RNF180: variants seen among roughly 807,000 people sequenced by gnomAD.
The protein encoded by RNF180 is E3 ubiquitin-protein ligase RNF180.
A neutral mutation model predicts 59.2 loss-of-function variants in RNF180; 38 were observed. The ratio of observed to expected loss-of-function variants is 0.64; its 90% CI spans 0.50 to 0.84. The LOEUF (loss-of-function observed/expected upper bound fraction) is 0.84, where lower values mean the gene tolerates loss of function less well. RNF180 is among the 40% of genes least tolerant of loss of function. The pLI is 0.00. For synonymous variants in RNF180, 262 were observed against 240.3 expected (o/e 1.09, Z -0.84); for missense variants, 705 against 700.9 (o/e 1.01, Z -0.07).
chr5:64,170,753 G>C (rs933224147), intron 1 of RNF180, among the ~76,000 whole-genome samples: 2 of 152,122 alleles, frequency 1.3e-5, no homozygotes, highest in Non-Finnish European at 2.9e-5. Flanking sequence ...ATCAGGAGGT[G>C]GTCTTTTATG....
At chr5:64,265,725 A>G (rs561126643) in intron 5 of RNF180, among the ~76,000 whole-genome samples, 21 of 152,282 alleles carry the variant, frequency 1.4e-4, no homozygotes, top group Middle Eastern at 3.4e-3. Context: ...TTTTGGTGCC[A>G]TATGAAATTT....
intron 5 of RNF180, among the ~76,000 whole-genome samples, chr5:64,313,793 T>C (rs1743902630): frequency 2.0e-5 from 3 of 152,184 alleles, no homozygotes; most frequent in Admixed American, 6.5e-5. Flanking sequence ...TGTTCCCTTT[T>C]CTGTGCTACC....
chr5:64,294,675 C>T (rs2112435410), intron 5 of RNF180, among the ~76,000 whole-genome samples: 1 of 152,272 alleles, frequency 6.6e-6, no homozygotes, highest in East Asian at 1.9e-4. Context: ...TTCATAAAAA[C>T]ATATAACATT....
intron 1 of RNF180, among the ~76,000 whole-genome samples, chr5:64,174,041 A>G (rs1330630798): frequency 6.6e-6 from 1 of 151,986 alleles, no homozygotes; most frequent in East Asian, 1.9e-4. Flanking sequence ...GTTGCACATG[A>G]GTGAGATTTT....
intron 1 of RNF180, among the ~76,000 whole-genome samples, chr5:64,181,220 G>A (rs1011023817): frequency 2.6e-5 from 4 of 152,054 alleles, no homozygotes; most frequent in East Asian, 1.9e-4. Flanking sequence ...TGTCTTTCCC[G>A]GTCCACTGAC....
intron 5 of RNF180, among the ~76,000 whole-genome samples, chr5:64,263,919 A>T (rs1744506897): frequency 6.6e-6 from 1 of 152,156 alleles, no homozygotes; most frequent in Non-Finnish European, 1.5e-5. Flanking sequence ...GTTTTGATTT[A>T]ACCTTGTGTT....
At chr5:64,314,340 A>G (rs1743930960) in intron 5 of RNF180, among the ~76,000 whole-genome samples, 1 of 152,136 alleles carries the variant, frequency 6.6e-6, no homozygotes, top group South Asian at 2.1e-4. Context: ...TGGGTCTCAG[A>G]TAGATAGAAT....
At chr5:64,353,653 A>G (rs1276532787) in intron 7 of RNF180, among the ~76,000 whole-genome samples, 2 of 151,848 alleles carry the variant, frequency 1.3e-5, no homozygotes, top group African/African-American at 2.4e-5. Flanking sequence ...TAAGGAAAAA[A>G]TTGAAATATG....
intron 5 of RNF180, among the ~76,000 whole-genome samples, chr5:64,255,424 C>T (rs1441478924): frequency 6.6e-6 from 1 of 152,098 alleles, no homozygotes; most frequent in Non-Finnish European, 1.5e-5. Flanking sequence ...TGTTCAATTC[C>T]CACCTATGAG....
chr5:64,182,633 C>T (rs1329050373), intron 1 of RNF180, among the ~76,000 whole-genome samples: 1 of 152,154 alleles, frequency 6.6e-6, no homozygotes, highest in Non-Finnish European at 1.5e-5. Flanking sequence ...TGCTGAAGGA[C>T]TATATAGAAC....
Position 64,185,683 on chromosome 5 carries a change from T to C in RNF180, c.1-15125T>C, listed in dbSNP as rs80041485. Among the ~76,000 whole-genome samples the C allele has an allele frequency of 1.2e-4, 19 of 152,330 alleles. No homozygotes were observed. The East Asian group carries it at 3.5e-3, about 28-fold the overall frequency. Reference sequence around the variant, plus strand: ...AGTAGCTCTAATTGCCACAAATTCATTTCAGCAACATATATAGTCACATAC... The same window carrying C: ...AGTAGCTCTAATTGCCACAAATTCACTTCAGCAACATATATAGTCACATAC... On this transcript the variant is annotated intron_variant, in intron 1 of 7. Transcript: ENST00000389100.
intron 5 of RNF180, among the ~76,000 whole-genome samples, chr5:64,301,061 T>C (rs893080713): frequency 1.3e-5 from 2 of 148,988 alleles, no homozygotes; most frequent in Non-Finnish European, 3.0e-5. Context: ...TGTCTCTTTC[T>C]TACAAAACAA....
rs145923908 is a variant in RNF180 at position 64,215,297 on chromosome 5, A to G, written c.1191+780A>G. Reference sequence around the variant, plus strand: ...TGACTTTATTATCTACTTATTCATAATAGTGTCCTTATTAATCAGTGTGTT... The same window carrying G: ...TGACTTTATTATCTACTTATTCATAGTAGTGTCCTTATTAATCAGTGTGTT... On this transcript the variant is annotated intron_variant, in intron 4 of 7. Coordinates refer to ENST00000389100, the MANE Select transcript of RNF180 (RefSeq NM_001113561.2). Among the ~76,000 whole-genome samples the G allele has an allele frequency of 3.5e-3, 539 of 152,276 alleles. 3 individuals carry two copies. The highest frequency in any genetic ancestry group is 0.013 in the African/African-American group (523 of 41,558).
intron 5 of RNF180, among the ~76,000 whole-genome samples, chr5:64,293,906 A>G (rs1742739359): frequency 6.6e-6 from 1 of 152,248 alleles, no homozygotes; most frequent in Non-Finnish European, 1.5e-5. Flanking sequence ...CTAAACAATC[A>G]TGCAGTACAT....
chr5:64,236,029 G>T (rs1742421250), intron 5 of RNF180, among the ~76,000 whole-genome samples: 1 of 152,198 alleles, frequency 6.6e-6, no homozygotes, highest in Admixed American at 6.5e-5. Context: ...CTGCTATAAA[G>T]ATAGCCTGAA....
At chr5:64,230,322 A>G (rs1742024543) in intron 5 of RNF180, among the ~76,000 whole-genome samples, 1 of 152,268 alleles carries the variant, frequency 6.6e-6, no homozygotes, top group East Asian at 1.9e-4. Flanking sequence ...GAAGTTGGAA[A>G]TGGTTGTCAT....
Position 64,289,118 on chromosome 5 carries a change from C to T in RNF180, c.1228-36068C>T, listed in dbSNP as rs757792670. On this transcript the variant is annotated intron_variant, in intron 5 of 7. Coordinates refer to ENST00000389100, the MANE Select transcript of RNF180 (RefSeq NM_001113561.2). ...AACATAAAGGGATGTTGAATTTTAT[C>T]GAAGGCCTTTTTTGCATCTATTGAG... is the stretch of plus-strand genomic sequence containing the variant. 3.1e-4 allele frequency among the ~76,000 whole-genome samples: 47 copies of T among 152,206 alleles called. No individual in the cohort carries two copies. In the Middle Eastern group the frequency reaches 0.014, roughly 44 times the overall value.
chr5:64,369,198 ACT>A (rs1468024012), intron 7 of RNF180, among the ~76,000 whole-genome samples: 1 of 151,934 alleles, frequency 6.6e-6, no homozygotes, highest in Non-Finnish European at 1.5e-5. Flanking sequence ...TTCTCAGTAA[ACT>A]CTCGCAAGGA....
chr5:64,197,679 T>C (rs1307379185), intron 1 of RNF180, among the ~76,000 whole-genome samples: 1 of 152,194 alleles, frequency 6.6e-6, no homozygotes, highest in African/African-American at 2.4e-5. Flanking sequence ...ACTTGTGCAG[T>C]CTACTGATGG....
Sources: gnomAD v4.1 joint callset for allele counts (sites outside exome capture counted in the v4.1 genomes callset) on GRCh38, gnomAD v4.1.1 for gene constraint, MANE v1.5 for transcripts, NCBI Gene and HGNC (gene_info 2026-07-23, HGNC 2026-07-21) for gene names.